ANKRD6: variants seen among roughly 807,000 people sequenced by gnomAD.
The protein encoded by ANKRD6 is ankyrin repeat domain 6.
Under a neutral mutation model 82.3 loss-of-function variants are expected in ANKRD6, and 56 were observed. The observed-to-expected ratio is 0.68, with a 90% CI of 0.55 to 0.85. ANKRD6 has a LOEUF of 0.85. Ranked by LOEUF, ANKRD6 falls within the 40% of genes least tolerant of loss-of-function variation. ANKRD6 has a pLI of 0.00. For synonymous variants in ANKRD6, 347 were observed against 352.1 expected, an observed-to-expected ratio of 0.99 and a Z score of 0.16; for missense variants, 852 against 907.6, an observed-to-expected ratio of 0.94 and a Z score of 0.79.
Position 89,444,760 on chromosome 6 carries a change from G to A in ANKRD6, c.-144+11385G>A, listed in dbSNP as rs985441954. On this transcript the variant is annotated intron_variant, in intron 1 of 15. Transcript: ENST00000339746. ...AGGTGGGCGGATCACCTGAGATCAG[G>A]AGTTTGAGACCAGCCTGGCCAACAC... 2.6e-5 allele frequency among the ~76,000 whole-genome samples: 4 copies of A among 152,192 alleles called. No homozygotes were observed. In the East Asian group the frequency reaches 7.7e-4, roughly 29 times the overall value.
chr6:89,433,263 G>T lies in ANKRD6; in HGVS notation c.-256G>T, dbSNP rs1770176838. ...GAGGCACGGCGCTGGGCGGCGCCGA[G>T]GCCCTGGGGCCGCCGGAGCCAGCGG... On this transcript the variant is annotated 5_prime_UTR_variant, in exon 1 of 16. It adds an upstream start codon to the 5' untranslated region. Coordinates refer to ENST00000339746, the MANE Select transcript of ANKRD6 (RefSeq NM_001242809.2). The surrounding 1 kb of genome is among the most constrained non-coding windows in gnomAD (Gnocchi z 4.3). 10 of 151,892 alleles carry T rather than the reference G, an allele frequency of 6.6e-5. No homozygotes were observed. The South Asian group carries it at 2.1e-3, about 31-fold the overall frequency. The allele number at this position is 151,892 out of a possible 1,614,324, so 9.4% of individuals were successfully genotyped here.
intron 1 of ANKRD6, among the ~76,000 whole-genome samples, chr6:89,532,043 G>A (rs1002898794): frequency 1.3e-5 from 2 of 152,208 alleles, no homozygotes; most frequent in Admixed American, 1.3e-4. Context: ...TCTGAAGTCA[G>A]TCTGCTGGTA....
intron 1 of ANKRD6, among the ~76,000 whole-genome samples, chr6:89,509,706 T>C (rs894673156): frequency 2.0e-5 from 3 of 152,218 alleles, no homozygotes; most frequent in Non-Finnish European, 2.9e-5. Context: ...TCCTGACAGA[T>C]AGAAATCGTC....
At chr6:89,558,740 A>G (rs933293146) in intron 1 of ANKRD6, among the ~76,000 whole-genome samples, 1 of 151,674 alleles carries the variant, frequency 6.6e-6, no homozygotes, top group Non-Finnish European at 1.5e-5. Flanking sequence ...ATAATACTGT[A>G]TCAATATTGA....
chr6:89,478,756 C>A (rs1190258518), intron 1 of ANKRD6, among the ~76,000 whole-genome samples: 2,614 of 106,446 alleles, frequency 0.025, no homozygotes, highest in Middle Eastern at 0.043. Flanking sequence ...GACTCTGTCT[C>A]AAAAAAAAAA....
rs1807296796 is a variant in ANKRD6 at position 89,631,018 on chromosome 6, G to A, written c.*14G>A. ...AAGGAAAATTAGCACCAATAAAGAG[G>A]AAATATGAAAGGATTCTTGAAGATT... is the stretch of plus-strand genomic sequence containing the variant. On this transcript the variant is annotated 3_prime_UTR_variant, in exon 16 of 16. Transcript: ENST00000339746. 1 of 1,488,032 alleles carries A rather than the reference G, an allele frequency of 6.7e-7. No individual in the cohort carries two copies. The highest frequency in any genetic ancestry group is 2.5e-5 in the East Asian group (1 of 40,810). The allele number at this position is 1,488,032 out of a possible 1,614,324, so 92.2% of individuals were successfully genotyped here.
intron 2 of ANKRD6, among the ~76,000 whole-genome samples, chr6:89,568,931 AAT>A (rs1789150090): frequency 2.2e-5 from 3 of 137,312 alleles, no homozygotes; most frequent in African/African-American, 5.3e-5. Context: ...ATATATATAT[AAT>A]TTTTTTTTTT....
At chr6:89,458,439 C>A (rs1431251916) in intron 1 of ANKRD6, among the ~76,000 whole-genome samples, 1 of 152,156 alleles carries the variant, frequency 6.6e-6, no homozygotes, top group Admixed American at 6.5e-5. Flanking sequence ...TGGATCAGTC[C>A]AAATCCCAAA....
intron 1 of ANKRD6, among the ~76,000 whole-genome samples, chr6:89,436,099 T>C (rs1393629819): frequency 6.6e-6 from 1 of 152,180 alleles, no homozygotes; most frequent in African/African-American, 2.4e-5. Context: ...AGTAGTTAGG[T>C]TCAAACAACT....
chr6:89,588,519 T>C (rs778765217), intron 2 of ANKRD6, among the ~76,000 whole-genome samples: 30 of 152,330 alleles, frequency 2.0e-4, no homozygotes, highest in Non-Finnish European at 8.8e-5. Context: ...ACACCATTTC[T>C]CCTTGTCTGG....
At chr6:89,517,953 C>G (rs1020138477) in intron 1 of ANKRD6, among the ~76,000 whole-genome samples, 1 of 152,164 alleles carries the variant, frequency 6.6e-6, no homozygotes, top group Non-Finnish European at 1.5e-5. Flanking sequence ...AAGTCAATGT[C>G]TTTATGTATT....
At chr6:89,494,784 A>T (rs931696611) in intron 1 of ANKRD6, among the ~76,000 whole-genome samples, 3 of 152,174 alleles carry the variant, frequency 2.0e-5, no homozygotes, top group African/African-American at 4.8e-5. Flanking sequence ...CCTGAAGATT[A>T]TTGTTTGGAT....
chr6:89,501,759 G>A (rs1244176949), intron 1 of ANKRD6, among the ~76,000 whole-genome samples: 2 of 152,132 alleles, frequency 1.3e-5, no homozygotes, highest in Non-Finnish European at 2.9e-5. Flanking sequence ...TTGTGCTTGT[G>A]TGATGCAGTA....
At chr6:89,529,599 G>A (rs187738474) in intron 1 of ANKRD6, among the ~76,000 whole-genome samples, 2 of 152,176 alleles carry the variant, frequency 1.3e-5, no homozygotes, top group African/African-American at 2.4e-5. Flanking sequence ...TCACAACTTC[G>A]CTAACTGGTG....
intron 1 of ANKRD6, among the ~76,000 whole-genome samples, chr6:89,467,645 CA>C (rs1411423300): frequency 6.6e-6 from 1 of 152,200 alleles, no homozygotes; most frequent in Non-Finnish European, 1.5e-5. Flanking sequence ...CTTAGTATCA[CA>C]GTGCTTTCTA....
rs1449012795 is a variant in ANKRD6 at position 89,547,083 on chromosome 6, C to T, written c.-143-19751C>T. On this transcript the variant is annotated intron_variant, in intron 1 of 15. Transcript: ENST00000339746. ...TCAAATGATCCTCCCACCTCGGCCT[C>T]CCAAAGTGCTGGGATTACAGGTGCA... 2.6e-5 allele frequency among the ~76,000 whole-genome samples: 4 copies of T among 152,304 alleles called. No homozygotes were observed. The East Asian group carries it at 7.7e-4, about 29-fold the overall frequency.
chr6:89,517,705 G>A (rs139022493), intron 1 of ANKRD6, among the ~76,000 whole-genome samples: 265 of 152,314 alleles, frequency 1.7e-3, no homozygotes, highest in African/African-American at 5.4e-3. Flanking sequence ...CCTGTAACCC[G>A]TCAGTGGGGA....
At chr6:89,585,836 C>A (rs1279045670) in intron 2 of ANKRD6, among the ~76,000 whole-genome samples, 5 of 152,106 alleles carry the variant, frequency 3.3e-5, no homozygotes, top group Non-Finnish European at 5.9e-5. Flanking sequence ...ACCCTGGAGG[C>A]GGAGGTTGCA....
intron 1 of ANKRD6, among the ~76,000 whole-genome samples, chr6:89,450,135 C>G (rs1398464917): frequency 6.6e-6 from 1 of 151,858 alleles, no homozygotes; most frequent in Non-Finnish European, 1.5e-5. Flanking sequence ...TCAGGAGATC[C>G]AGACCAGCCT....
Sources: allele counts gnomAD v4.1 joint callset (sites outside exome capture counted in the v4.1 genomes callset), GRCh38; gene constraint gnomAD v4.1.1; non-coding constraint Gnocchi (gnomAD v3.1); transcripts MANE v1.5; gene names NCBI Gene and HGNC (gene_info 2026-07-23, HGNC 2026-07-21).